The following SLC12A2 variants were observed in gnomAD, a reference collection of about 807,000 sequenced individuals.
SLC12A2 encodes Na-K-2Cl cotransporter 1.
Under a neutral mutation model 136.3 loss-of-function variants are expected in SLC12A2, and 67 were observed. The ratio of observed to expected loss-of-function variants is 0.49; its 90% confidence interval spans 0.40 to 0.60. The LOEUF (loss-of-function observed/expected upper bound fraction) is 0.60. Ranked by LOEUF, SLC12A2 falls within the 20% of genes least tolerant of loss-of-function variation. The probability of loss-of-function intolerance (pLI) is 0.00; values close to 1 mark genes in which losing one functional copy is unlikely to be tolerated. For missense variants in SLC12A2, 1,322 were observed against 1,534.7 expected (o/e 0.86, Z 2.32); for synonymous variants, 619 against 562.9 (o/e 1.10, Z -1.41).
At chr5:128,133,362 G>A (rs555257463) in intron 5 of SLC12A2, among the ~76,000 whole-genome samples, 4 of 151,882 alleles carry the variant, frequency 2.6e-5, no homozygotes, top group African/African-American at 9.7e-5. Flanking sequence ...TTTGTATTAA[G>A]GTCATTTATC....
At position 128,102,596 on chromosome 5, in the gene SLC12A2, C is replaced by CTTTTTTTTTTTTTTT; in HGVS notation, c.757-10201_757-10187dup. 9.1e-4 allele frequency among the ~76,000 whole-genome samples: 37 copies of CTTTTTTTTTTTTTTT among 40,460 alleles called. 10 individuals carry two copies. The highest frequency in any genetic ancestry group is 0.048 in the Middle Eastern group (2 of 42). The allele number at this position is 40,460 out of a possible 152,430, so 26.5% of individuals were successfully genotyped here. ...TTCTGTAATTCACCCCCCCCCCCGC[C>CTTTTTTTTTTTTTTT]TTTTTTTTTTTTTTTTTTTTTTTTT... On this transcript the variant is annotated intron_variant, in intron 1 of 26. Transcript: ENST00000262461.
At chr5:128,110,724 G>A in intron 1 of SLC12A2, 1 of 1,450,166 alleles carries the variant, frequency 6.9e-7, no homozygotes, top group Non-Finnish European at 9.7e-7. Flanking sequence ...TTCCAGTGAA[G>A]AGCAACCTGA....
chr5:128,109,379 A>G (rs1376153572), intron 1 of SLC12A2: 1 of 319,902 alleles, frequency 3.1e-6, no homozygotes, highest in Non-Finnish European at 6.1e-6. Flanking sequence ...CACGCTTTGG[A>G]GTCGCTGTGA....
chr5:128,178,379 C>G, intron 21 of SLC12A2, 188 bp from the exon 22 acceptor site: 1 of 361,156 alleles, frequency 2.8e-6, no homozygotes, highest in East Asian at 4.3e-5. Context: ...TTATTTCTCT[C>G]TAGCCATTTA....
At chr5:128,134,422 T>C in intron 6 of SLC12A2, 147 bp downstream of exon 6, 1 of 564,354 alleles carries the variant, frequency 1.8e-6, no homozygotes, top group South Asian at 2.4e-5. Flanking sequence ...ATAAGGTTAT[T>C]TTCTACTTGA....
At chr5:128,112,543 A>C (rs1221277826) in intron 1 of SLC12A2, among the ~76,000 whole-genome samples, 2 of 152,210 alleles carry the variant, frequency 1.3e-5, no homozygotes. Flanking sequence ...TCCTCCAGAC[A>C]CTACCAAAAG....
At chr5:128,108,033 T>C (rs528272717) in intron 1 of SLC12A2, among the ~76,000 whole-genome samples, 122 of 152,236 alleles carry the variant, frequency 8.0e-4, no homozygotes, top group Non-Finnish European at 1.5e-3. Context: ...TAATGACCAG[T>C]GATGATGAGC....
At chr5:128,172,583 A>G (rs1257352736) in intron 19 of SLC12A2, among the ~76,000 whole-genome samples, 1 of 152,242 alleles carries the variant, frequency 6.6e-6, no homozygotes, top group Admixed American at 6.5e-5. Context: ...TATGTAAATA[A>G]TAATATAGTG....
Position 128,147,499 on chromosome 5 carries a change from G to GTTA in SLC12A2, c.1774-112_1774-110dup, listed in dbSNP as rs1166389553. The GTTA allele has an allele frequency of 2.3e-5, 14 of 603,518 alleles. No individual in the cohort carries two copies. In the Admixed American group the frequency reaches 2.9e-4, roughly 13 times the overall value. 37.4% of individuals were successfully genotyped at this position (603,518 alleles called of 1,614,324 possible). ...TATTTGTAATGCACATAGCGTTGTT[G>GTTA]TTATTATTATTATAAAATGATCCCT... On this transcript the variant is annotated intron_variant, in intron 10 of 26. Transcript: ENST00000262461.
chr5:128,114,712 C>T, intron 4 of SLC12A2, 31 bp downstream of exon 4: 1 of 1,259,956 alleles, frequency 7.9e-7, no homozygotes, highest in Non-Finnish European at 1.2e-6. Flanking sequence ...TCATCATCAT[C>T]AGATTACTCT....
At chr5:128,103,568 ACAC>A (rs1392375011) in intron 1 of SLC12A2, among the ~76,000 whole-genome samples, 1 of 152,228 alleles carries the variant, frequency 6.6e-6, no homozygotes, top group Non-Finnish European at 1.5e-5. Context: ...AGATTACAAA[ACAC>A]CAAGTAAATA....
At chr5:128,092,968 C>T (rs1361271277) in intron 1 of SLC12A2, among the ~76,000 whole-genome samples, 1 of 152,142 alleles carries the variant, frequency 6.6e-6, no homozygotes. Context: ...CAAGCTCTTT[C>T]CTTCCTTCCT....
At chr5:128,120,623 A>G (rs1013273699) in intron 4 of SLC12A2, among the ~76,000 whole-genome samples, 2 of 150,978 alleles carry the variant, frequency 1.3e-5, no homozygotes, top group Non-Finnish European at 2.9e-5. Context: ...AAAACCAAAC[A>G]CTGCATGTTC....
At chr5:128,157,313 A>G (rs888195576) in intron 15 of SLC12A2, among the ~76,000 whole-genome samples, 1 of 152,230 alleles carries the variant, frequency 6.6e-6, no homozygotes, top group African/African-American at 2.4e-5. Context: ...GTGAAAATCA[A>G]GAGCTACAAA....
intron 24 of SLC12A2, 36 bp downstream of exon 24, chr5:128,182,977 A>G (rs375662244): frequency 2.3e-6 from 3 of 1,314,544 alleles, no homozygotes; most frequent in Non-Finnish European, 3.3e-6. Flanking sequence ...CCCTTTATAG[A>G]TGGCCTACTC....
chr5:128,102,590 C>G (rs1315594217), intron 1 of SLC12A2, among the ~76,000 whole-genome samples: 3 of 132,930 alleles, frequency 2.3e-5, no homozygotes, highest in Non-Finnish European at 4.8e-5. Context: ...TCACCCCCCC[C>G]CCCGCCTTTT....
At chr5:128,104,389 TG>T (rs1760852877) in intron 1 of SLC12A2, among the ~76,000 whole-genome samples, 2 of 152,274 alleles carry the variant, frequency 1.3e-5, no homozygotes, top group African/African-American at 4.8e-5. Context: ...CCCAGCACTT[TG>T]GGAGGCCCAG....
chr5:128,093,758 C>T (rs1306515137), intron 1 of SLC12A2, among the ~76,000 whole-genome samples: 1 of 152,140 alleles, frequency 6.6e-6, no homozygotes, highest in African/African-American at 2.4e-5. Context: ...CCAAAAACCG[C>T]AATGACTTTT....
chr5:128,133,725 C>T (rs1270416168), intron 5 of SLC12A2, among the ~76,000 whole-genome samples: 17 of 151,964 alleles, frequency 1.1e-4, no homozygotes, highest in Admixed American at 1.1e-3. Flanking sequence ...AGAGTGGAAA[C>T]AGTGTGTTTT....
Sources: allele counts gnomAD v4.1 joint callset (sites outside exome capture counted in the v4.1 genomes callset), GRCh38; gene constraint gnomAD v4.1.1; transcripts MANE v1.5; gene names NCBI Gene and HGNC (gene_info 2026-07-23, HGNC 2026-07-21).